Variants in CAPS2 observed in about 807,000 individuals in gnomAD.
CAPS2 encodes calcyphosine 2, also known as calcyphosin-2.
CAPS2 carries 98 observed loss-of-function variants against 86.5 expected under a neutral mutation model. That is an observed-to-expected ratio of 1.13 (90% confidence interval 0.96 to 1.34). The LOEUF is 1.34. Among genes scored for constraint, CAPS2 ranks in the 40% most tolerant of loss-of-function variants. CAPS2 has a pLI of 0.00. For missense variants in CAPS2, 729 were observed against 686.8 expected, an observed-to-expected ratio of 1.06 and a Z score of -0.69; for synonymous variants, 210 against 225.1, an observed-to-expected ratio of 0.93 and a Z score of 0.60.
chr12:75,326,638 T>C, upstream of CAPS2: 1 of 602,744 alleles, frequency 1.7e-6, no homozygotes, highest in Non-Finnish European at 3.0e-6. Flanking sequence ...GGTTAATCAC[T>C]TCTAGTGCTT....
upstream of CAPS2, chr12:75,329,845 G>A (rs2139143228): frequency 6.5e-7 from 1 of 1,545,552 alleles, no homozygotes. Flanking sequence ...CAGTGTAGCA[G>A]AAGGAATTCC....
At chr12:75,385,097 C>T (rs1382241935) in intron 1 of CAPS2, among the ~76,000 whole-genome samples, 7 of 152,180 alleles carry the variant, frequency 4.6e-5, no homozygotes, top group African/African-American at 9.7e-5. Context: ...CCATATGATG[C>T]CCTGCACTGC....
At chr12:75,367,092 T>C (rs916979322) in intron 1 of CAPS2, 2 of 694,330 alleles carry the variant, frequency 2.9e-6, no homozygotes, top group Non-Finnish European at 2.6e-6. Flanking sequence ...TGAGATTAAT[T>C]TGGGGAGAAA....
intron 15 of CAPS2, among the ~76,000 whole-genome samples, chr12:75,283,849 CACAG>C (rs2034410062): frequency 6.6e-6 from 1 of 151,976 alleles, no homozygotes; most frequent in Admixed American, 6.6e-5. Flanking sequence ...TAGGACACAA[CACAG>C]ACAAAGGGAA....
intron 7 of CAPS2, chr12:75,306,127 G>T (rs1311643493): frequency 3.2e-5 from 38 of 1,196,344 alleles, no homozygotes; most frequent in Non-Finnish European, 3.7e-6. Context: ...ATTCGGGAAC[G>T]TGCGGAAGCT....
intron 5 of CAPS2, among the ~76,000 whole-genome samples, chr12:75,320,703 T>G (rs1356788618): frequency 6.6e-6 from 1 of 151,942 alleles, no homozygotes; most frequent in African/African-American, 2.4e-5. Context: ...ACATTACTCT[T>G]ATAGAAAGTT....
chr12:75,307,101 C>T (rs1013076995), intron 7 of CAPS2, among the ~76,000 whole-genome samples: 2 of 152,120 alleles, frequency 1.3e-5, no homozygotes, highest in African/African-American at 4.8e-5. Context: ...ACTAGACTGC[C>T]TGGATTCAAT....
chr12:75,323,531 G>T (rs1175729353), intron 2 of CAPS2, among the ~76,000 whole-genome samples: 1 of 152,122 alleles, frequency 6.6e-6, no homozygotes, highest in Non-Finnish European at 1.5e-5. Context: ...ATCACCTGAG[G>T]TCGGGAGATC....
In CAPS2 at chr12:75,321,316, G is replaced by T. The variant is rs981093863; in HGVS notation, c.468+84C>A. On this transcript the variant is annotated intron_variant, in intron 5 of 16. Coordinates refer to ENST00000393284, the Ensembl canonical transcript of CAPS2. The stretch of plus-strand genomic sequence containing the variant: ...TTATACTTATTATGACTAATAGCAA[G>T]ATATGTCACACAAAAAGAGATTTCT... 8.5e-6 allele frequency: 7 copies of T among 827,090 alleles called. No homozygotes were observed. In the African/African-American group the frequency reaches 8.7e-5, roughly 10 times the overall value. The allele number at this position is 827,090 out of a possible 1,614,324, so 51.2% of individuals were successfully genotyped here.
chr12:75,379,145 T>C (rs1417503581), intron 1 of CAPS2, among the ~76,000 whole-genome samples: 5 of 152,240 alleles, frequency 3.3e-5, no homozygotes, highest in African/African-American at 1.2e-4. Context: ...TTCAAGAGCA[T>C]ATGATTTTCT....
intron 12 of CAPS2, 122 bp downstream of exon 12, chr12:75,293,127 G>T: frequency 3.1e-6 from 2 of 646,964 alleles, no homozygotes. Context: ...AGCTATGCTT[G>T]TTTTTTCAAA....
intron 5 of CAPS2, among the ~76,000 whole-genome samples, chr12:75,317,023 T>C (rs1266448594): frequency 6.6e-6 from 1 of 152,176 alleles, no homozygotes; most frequent in Non-Finnish European, 1.5e-5. Context: ...ATAAGATTTC[T>C]TCCCCCCAGG....
At chr12:75,284,825 G>T in intron 15 of CAPS2, 136 bp downstream of exon 15, 1 of 744,448 alleles carries the variant, frequency 1.3e-6, no homozygotes, top group Non-Finnish European at 2.0e-6. Flanking sequence ...ATATGGACCT[G>T]TTTTCTGTTT....
chr12:75,287,025 A>G (rs2034988855), intron 14 of CAPS2, among the ~76,000 whole-genome samples: 1 of 151,276 alleles, frequency 6.6e-6, no homozygotes, highest in South Asian at 2.1e-4. Flanking sequence ...GTCCTATATC[A>G]GCTATTACTT....
chr12:75,333,042 A>G (rs74745705), upstream of CAPS2, among the ~76,000 whole-genome samples: 670 of 152,284 alleles, frequency 4.4e-3, 3 homozygotes, highest in African/African-American at 0.016. Context: ...GCCAGGAGAG[A>G]ATGCCAGAGA....
chr12:75,340,224 T>A (rs1189582797), intron 1 of CAPS2, among the ~76,000 whole-genome samples: 3 of 151,546 alleles, frequency 2.0e-5, no homozygotes, highest in Admixed American at 1.3e-4. Context: ...TTAGACCGTT[T>A]CCATATTTTT....
At chr12:75,293,202 T>C (rs779432229) in intron 12 of CAPS2, 47 bp downstream of exon 12, 2 of 1,043,804 alleles carry the variant, frequency 1.9e-6, no homozygotes, top group African/African-American at 1.6e-5. Context: ...AATTTAAAAA[T>C]AGTGTTTTCA....
intron 6 of CAPS2, 71 bp downstream of exon 6, chr12:75,316,241 C>G: frequency 6.6e-7 from 1 of 1,517,288 alleles, no homozygotes; most frequent in Admixed American, 2.1e-5. Context: ...TTATTCCATT[C>G]AGTCTTTAAA....
chr12:75,335,897 C>T (rs1484809522), intron 1 of CAPS2, among the ~76,000 whole-genome samples: 1 of 151,740 alleles, frequency 6.6e-6, no homozygotes, highest in Non-Finnish European at 1.5e-5. Flanking sequence ...ATGGTTGATG[C>T]CTTTAGAGTT....
Sources: allele counts gnomAD v4.1 joint callset (sites outside exome capture counted in the v4.1 genomes callset), GRCh38; gene constraint gnomAD v4.1.1; transcripts MANE v1.5; gene names NCBI Gene and HGNC (gene_info 2026-07-23, HGNC 2026-07-21).